The following MINDY4 variants were observed in gnomAD, a reference collection of about 807,000 sequenced individuals.
The protein encoded by MINDY4 is probable ubiquitin carboxyl-terminal hydrolase MINDY-4.
MINDY4 carries 68 observed loss-of-function variants against 87.0 expected under a neutral mutation model. The ratio of observed to expected loss-of-function variants is 0.78; its 90% CI spans 0.64 to 0.96. MINDY4 has a LOEUF of 0.96. MINDY4 is among the 40% of genes least tolerant of loss of function. MINDY4 has a pLI of 0.00. For missense variants in MINDY4, 919 were observed against 928.2 expected (o/e 0.99, Z 0.13); for synonymous variants, 379 against 363.2 (o/e 1.04, Z -0.50).
intron 5 of MINDY4, among the ~76,000 whole-genome samples, chr7:30,801,108 C>G (rs1319351082): frequency 6.6e-6 from 1 of 152,114 alleles, no homozygotes; most frequent in African/African-American, 2.4e-5. Context: ...ACAGATGCCT[C>G]TCTGTGTCCT....
chr7:30,776,178 T>C (rs1045865806), intron 1 of MINDY4, among the ~76,000 whole-genome samples: 4 of 152,230 alleles, frequency 2.6e-5, no homozygotes, highest in African/African-American at 9.6e-5. Context: ...TTCAAAAATA[T>C]GTCAGTTCAA....
chr7:30,803,926 C>G (rs1482958721), intron 5 of MINDY4, among the ~76,000 whole-genome samples: 2 of 152,234 alleles, frequency 1.3e-5, no homozygotes, highest in Non-Finnish European at 2.9e-5. Flanking sequence ...GTCCTTGTTC[C>G]TACCCTGTGA....
intron 6 of MINDY4, among the ~76,000 whole-genome samples, chr7:30,832,219 T>A (rs1052670834): frequency 1.7e-4 from 26 of 152,196 alleles, no homozygotes; most frequent in Non-Finnish European, 3.2e-4. Flanking sequence ...AGAGCGTGTT[T>A]CAGGCCTGGA....
At chr7:30,837,087 C>T (rs549075652) in intron 7 of MINDY4, among the ~76,000 whole-genome samples, 97 of 152,284 alleles carry the variant, frequency 6.4e-4, no homozygotes, top group African/African-American at 2.2e-3. Context: ...CAGTTGTCCC[C>T]ATTAGAGCAG....
At chr7:30,849,862 T>C (rs1299201759) in intron 9 of MINDY4, among the ~76,000 whole-genome samples, 2 of 152,218 alleles carry the variant, frequency 1.3e-5, no homozygotes, top group African/African-American at 4.8e-5. Flanking sequence ...ACATTGTCCT[T>C]ATTTTGCTTG....
chr7:30,887,806 C>G (rs1429198175), intron 17 of MINDY4, among the ~76,000 whole-genome samples: 1 of 152,230 alleles, frequency 6.6e-6, no homozygotes, highest in Non-Finnish European at 1.5e-5. Context: ...TCAGAGAACA[C>G]TTCTGCAAAG....
At chr7:30,878,941 A>G (rs1343373080) in intron 15 of MINDY4, among the ~76,000 whole-genome samples, 2 of 152,194 alleles carry the variant, frequency 1.3e-5, no homozygotes, top group African/African-American at 2.4e-5. Context: ...GACACCTGTG[A>G]CAGCCTAGCC....
intron 1 of MINDY4, 96 bp downstream of exon 1, chr7:30,771,652 C>G: frequency 8.1e-7 from 1 of 1,238,810 alleles, no homozygotes; most frequent in Non-Finnish European, 1.1e-6. Context: ...TGGGAGGGCG[C>G]CCGTTCCCTA....
Position 30,838,668 on chromosome 7 carries a change from C to CT in MINDY4, c.1240-531dup, listed in dbSNP as rs966094275. Among the ~76,000 whole-genome samples the CT allele has an allele frequency of 1.4e-3, 217 of 152,270 alleles. 2 individuals are homozygous for CT. The highest frequency in any genetic ancestry group is 5.0e-3 in the African/African-American group (206 of 41,552). Reference sequence around the variant, plus strand: ...TGGGTCACAGTTTAGTAACCCTGCACTAGAGCACTGGCTCTCAAACCCGGC... The same window carrying CT: ...TGGGTCACAGTTTAGTAACCCTGCACTTAGAGCACTGGCTCTCAAACCCGGC... On this transcript the variant is annotated intron_variant, in intron 7 of 17. Coordinates refer to ENST00000265299, the MANE Select transcript of MINDY4 (RefSeq NM_032222.3).
intron 5 of MINDY4, among the ~76,000 whole-genome samples, chr7:30,793,144 T>G (rs897929772): frequency 2.9e-4 from 27 of 92,986 alleles, no homozygotes; most frequent in Non-Finnish European, 8.1e-5. Flanking sequence ...ATATATTATA[T>G]ATATTGTTTA....
chr7:30,794,132 G>A (rs1022164937), intron 5 of MINDY4, among the ~76,000 whole-genome samples: 1 of 152,252 alleles, frequency 6.6e-6, no homozygotes, highest in East Asian at 1.9e-4. Context: ...TCTACACAGT[G>A]CTCTTGATTT....
chr7:30,883,606 T>C (rs1790538771), intron 17 of MINDY4, among the ~76,000 whole-genome samples: 1 of 152,050 alleles, frequency 6.6e-6, no homozygotes, highest in Non-Finnish European at 1.5e-5. Flanking sequence ...CTGGGGTGAG[T>C]TGGGGCTCAC....
chr7:30,831,766 T>C (rs538874630), intron 6 of MINDY4, among the ~76,000 whole-genome samples: 1 of 152,342 alleles, frequency 6.6e-6, no homozygotes, highest in Admixed American at 6.5e-5. Context: ...AATCTTCCTA[T>C]GAACATCATT....
chr7:30,809,775 T>A (rs1787926875), intron 5 of MINDY4, among the ~76,000 whole-genome samples: 1 of 148,928 alleles, frequency 6.7e-6, no homozygotes, highest in Admixed American at 6.7e-5. Context: ...AGAATGGTTA[T>A]CATCTTCGAA....
At chr7:30,861,150 G>A (rs898750276) in intron 13 of MINDY4, among the ~76,000 whole-genome samples, 1 of 152,216 alleles carries the variant, frequency 6.6e-6, no homozygotes, top group Admixed American at 6.5e-5. Context: ...ACAGGCCTCT[G>A]CCTCCCAGAG....
chr7:30,814,586 C>T (rs570503368), intron 5 of MINDY4, among the ~76,000 whole-genome samples: 19 of 152,220 alleles, frequency 1.2e-4, no homozygotes, highest in African/African-American at 3.6e-4. Context: ...AATTTTAAAA[C>T]GTGCTTAGCA....
At chr7:30,797,416 G>T (rs1787522138) in intron 5 of MINDY4, among the ~76,000 whole-genome samples, 1 of 152,236 alleles carries the variant, frequency 6.6e-6, no homozygotes, top group Non-Finnish European at 1.5e-5. Context: ...GAGGTAGCCA[G>T]GAAAACCTAC....
Position 30,882,108 on chromosome 7 carries a change from G to A in MINDY4, c.1972-73G>A, listed in dbSNP as rs1790481669. 3.5e-6 allele frequency: 5 copies of A among 1,436,140 alleles called. No homozygotes were observed. In the South Asian group the frequency reaches 3.9e-5, roughly 11 times the overall value. The allele number at this position is 1,436,140 out of a possible 1,614,324, so 89.0% of individuals were successfully genotyped here. On this transcript the variant is annotated intron_variant, in intron 15 of 17. Coordinates refer to ENST00000265299, the MANE Select transcript of MINDY4 (RefSeq NM_032222.3). ...GCCTCTCTGAGGTCAGCCCTGCCTT[G>A]AGTCAGACAGAAAAATGCCCGGACC...
chr7:30,834,608 A>G (rs1351908153), intron 6 of MINDY4, among the ~76,000 whole-genome samples: 2 of 152,234 alleles, frequency 1.3e-5, no homozygotes, highest in African/African-American at 2.4e-5. Context: ...TTCTGCAGCC[A>G]GCTTGAATTT....
Sources: gnomAD v4.1 joint callset for allele counts (sites outside exome capture counted in the v4.1 genomes callset) on GRCh38, gnomAD v4.1.1 for gene constraint, MANE v1.5 for transcripts, NCBI Gene and HGNC (gene_info 2026-07-23, HGNC 2026-07-21) for gene names.